ALG1: variants seen among roughly 807,000 people sequenced by gnomAD.
ALG1 encodes the protein chitobiosyldiphosphodolichol beta-mannosyltransferase.
In ALG1, 58 loss-of-function variants were observed where a neutral mutation model predicts 55.1. The observed-to-expected ratio is 1.05, with a 90% CI of 0.85 to 1.31. The LOEUF (loss-of-function observed/expected upper bound fraction) is 1.31, where lower values mean the gene tolerates loss of function less well. Among genes scored for constraint, ALG1 ranks in the 50% most tolerant of loss-of-function variants. ALG1 has a pLI of 0.00. For missense variants in ALG1, 761 were observed against 598.6 expected (o/e 1.27, Z -2.83); for synonymous variants, 309 against 247.0 (o/e 1.25, Z -2.35).
chr16:5,071,879 G>C lies in ALG1; in HGVS notation c.30G>C (p.Ala10=), dbSNP rs1359506233. The change falls in exon 1 of 13, where the codon GCG becomes GCC. Residue 10 remains alanine (A), a synonymous_variant. Coordinates refer to ENST00000262374, the MANE Select transcript of ALG1 (RefSeq NM_019109.5). MAASCLVLL[A]LCLLLPLLLL... ...CGGCCTCATGCTTGGTCCTGCTGGCGCTGTGTCTGCTGCTGCCGCTGCTGC... is the reference window on the plus strand; with the variant it reads ...CGGCCTCATGCTTGGTCCTGCTGGCCCTGTGTCTGCTGCTGCCGCTGCTGC... 14 of 1,602,862 alleles carry C rather than the reference G, an allele frequency of 8.7e-6. No homozygotes were observed. The highest frequency in any genetic ancestry group is 1.2e-5 in the Non-Finnish European group (14 of 1,177,076).
Position 5,078,160 on chromosome 16 carries a change from G to T in ALG1, c.740+143G>T. 3 of 936,304 alleles carry T rather than the reference G, an allele frequency of 3.2e-6. No individual in the cohort carries two copies. The South Asian group carries it at 4.2e-5, about 13-fold the overall frequency. The allele number at this position is 936,304 out of a possible 1,614,324, so 58.0% of individuals were successfully genotyped here. A position where few individuals can be genotyped will look rare whatever the true frequency, so the allele number is the denominator to read the frequency against. On this transcript the variant is annotated intron_variant, in intron 6 of 12. Coordinates refer to ENST00000262374, the MANE Select transcript of ALG1 (RefSeq NM_019109.5). ...CCAGTCTGCTGCTTTTGTAAATCAAGTTTCACTGGGACACAACACACTCAT... is the reference window on the plus strand; with the variant it reads ...CCAGTCTGCTGCTTTTGTAAATCAATTTTCACTGGGACACAACACACTCAT...
In ALG1 at chr16:5,085,784, T is replaced by C; in HGVS notation, c.*903T>C. The C allele has an allele frequency of 1.4e-6, 2 of 1,382,244 alleles. No individual in the cohort carries two copies. Among genetic ancestry groups the C allele is most frequent in the Non-Finnish European group, 2.1e-6 (2 of 970,964 alleles). 85.6% of individuals were successfully genotyped at this position (1,382,244 alleles called of 1,614,324 possible). Reference sequence around the variant, plus strand: ...GATGGCGGTGTTTGGGGACAGGACATGAGGGTATTGTGTGGGGCTGCTAGG... The same window carrying C: ...GATGGCGGTGTTTGGGGACAGGACACGAGGGTATTGTGTGGGGCTGCTAGG... On this transcript the variant is annotated 3_prime_UTR_variant, in exon 13 of 13. Transcript: ENST00000262374.
Position 5,079,064 on chromosome 16 carries a change from A to G in ALG1, c.863A>G (p.Glu288Gly), listed in dbSNP as rs776908571. Residue 288 changes from glutamate to glycine, a missense_variant and splice_region_variant, in exon 8 of 13, where the codon GAG becomes GGG. Transcript: ENST00000262374. ...CTGACATTCAATTCTCTTCTCATAG[A>G]GGACGAAGACTTCTCCATCCTGCTG... ...ALLVSSTSWT[E>G]DEDFSILLAA... 65 of 1,600,604 alleles carry G rather than the reference A, an allele frequency of 4.1e-5. No homozygotes were observed. In the Middle Eastern group the frequency reaches 9.0e-4, roughly 22 times the overall value.
chr16:5,085,558 C>T lies in ALG1; in HGVS notation c.*677C>T, dbSNP rs565122912. On this transcript the variant is annotated 3_prime_UTR_variant, in exon 13 of 13. Coordinates refer to ENST00000262374, the MANE Select transcript of ALG1 (RefSeq NM_019109.5). The stretch of plus-strand genomic sequence containing the variant: ...ATTCCAGTCCAATGAAAGTTTTATC[C>T]GCTTTCCCATATAAAAATTCTTCCC... 3.6e-5 allele frequency: 40 copies of T among 1,123,052 alleles called. No individual in the cohort carries two copies. The highest frequency in any genetic ancestry group is 2.8e-4 in the East Asian group (12 of 42,434). 69.6% of individuals were successfully genotyped at this position (1,123,052 alleles called of 1,614,324 possible).
At chr16:5,074,302 T>C (rs1172467132) in intron 3 of ALG1, among the ~76,000 whole-genome samples, 1 of 152,000 alleles carries the variant, frequency 6.6e-6, no homozygotes, top group East Asian at 1.9e-4. Context: ...TGTGCCACCA[T>C]GCCTGGCTAA....
At chr16:5,078,949 C>T in intron 7 of ALG1, 71 bp downstream of exon 7, 2 of 1,596,228 alleles carry the variant, frequency 1.3e-6, no homozygotes, top group East Asian at 4.6e-5. Flanking sequence ...CTCCTCACCC[C>T]TGCCAGTCCT....
In ALG1 at chr16:5,081,180, C is replaced by T. The variant is rs1313949169; in HGVS notation, c.1072+124C>T. ...GGGACCTGGGCTCTGGCTGAACTCC[C>T]AGGAGGAGGCTACTTCCTGGTGTGC... is the stretch of plus-strand genomic sequence containing the variant. On this transcript the variant is annotated intron_variant, in intron 10 of 12. Transcript: ENST00000262374. 4.8e-5 allele frequency: 57 copies of T among 1,179,632 alleles called. No homozygotes were observed. The East Asian group carries it at 1.3e-3, about 27-fold the overall frequency. The allele number at this position is 1,179,632 out of a possible 1,614,324, so 73.1% of individuals were successfully genotyped here.
intron 3 of ALG1, 89 bp from the exon 4 acceptor site, chr16:5,075,299 C>T: frequency 1.5e-6 from 2 of 1,353,780 alleles, no homozygotes; most frequent in East Asian, 2.3e-5. Context: ...ATAACAGACT[C>T]ATCACCATGT....
chr16:5,072,872 G>T (rs1956841215), intron 1 of ALG1, 79 bp from the exon 2 acceptor site: 1 of 1,306,262 alleles, frequency 7.7e-7, no homozygotes, highest in South Asian at 1.2e-5. Context: ...CACTGTCCGT[G>T]ATTCAGCCTG....
chr16:5,081,599 T>A (rs755001516), intron 10 of ALG1, among the ~76,000 whole-genome samples: 1 of 152,204 alleles, frequency 6.6e-6, no homozygotes, highest in Non-Finnish European at 1.5e-5. Context: ...ACAGTCTCGC[T>A]CCGTTGCCTA....
In ALG1 at chr16:5,079,199, A is replaced by G. The variant is rs952881717; in HGVS notation, c.901+97A>G. The G allele has an allele frequency of 8.0e-6, 12 of 1,493,782 alleles. 1 individual carries two copies. The highest frequency in any genetic ancestry group is 5.9e-5 in the South Asian group (5 of 85,408). 92.5% of individuals were successfully genotyped at this position (1,493,782 alleles called of 1,614,324 possible). A position where few individuals can be genotyped will look rare whatever the true frequency, so the allele number is the denominator to read the frequency against. On this transcript the variant is annotated intron_variant, in intron 8 of 12. Transcript: ENST00000262374. ...CTGCAGCATGTTCCTGTCCCAGGCCACTGGGTGGGGCAGCCTGGGGACAGC... is the reference window on the plus strand; with the variant it reads ...CTGCAGCATGTTCCTGTCCCAGGCCGCTGGGTGGGGCAGCCTGGGGACAGC...
At chr16:5,083,133 C>T (rs1218791868) in intron 11 of ALG1, among the ~76,000 whole-genome samples, 15 of 152,264 alleles carry the variant, frequency 9.9e-5, no homozygotes, top group South Asian at 8.3e-4. Context: ...GCTGTGGCCT[C>T]ACTGCACCCA....
At chr16:5,084,345 C>A (rs976635899) in intron 12 of ALG1, 1 of 379,552 alleles carries the variant, frequency 2.6e-6, no homozygotes, top group Admixed American at 3.9e-5. Flanking sequence ...AGGCTGTGGG[C>A]TGGATTTGGC....
At position 5,086,928 on chromosome 16, in the gene ALG1, G is replaced by A. The variant is rs1217590977; in HGVS notation, c.*2047G>A. The A allele has an allele frequency of 6.6e-6, 1 of 152,178 alleles. No individual in the cohort carries two copies. Among genetic ancestry groups the A allele is most frequent in the Non-Finnish European group, 1.5e-5 (1 of 68,044 alleles). 9.4% of individuals were successfully genotyped at this position (152,178 alleles called of 1,614,324 possible). On this transcript the variant is annotated 3_prime_UTR_variant, in exon 13 of 13. Coordinates refer to ENST00000262374, the MANE Select transcript of ALG1 (RefSeq NM_019109.5). ...GATCTGCTCACCTCAGCCTCCCAAA[G>A]CCTCAGCCTCTTACAGTGTTGGGAT...
At position 5,077,916 on chromosome 16, in the gene ALG1, C is replaced by G; in HGVS notation, c.639C>G (p.Thr213=). The G allele has an allele frequency of 6.2e-7, 1 of 1,608,204 alleles. No individual in the cohort carries two copies. Among genetic ancestry groups the G allele is most frequent in the Non-Finnish European group, 8.5e-7 (1 of 1,179,844 alleles). ...CATGATTTCATTGCAGGGCTGTGAC[C>G]GTCTACGACAAGCCCGCATCTTTCT... The part of the protein sequence containing the change: ...LADNWHIRAV[T]VYDKPASFFK... Residue 213 remains threonine (T), a synonymous_variant, in exon 6 of 13, where the codon ACC becomes ACG. Transcript: ENST00000262374.
In ALG1 at chr16:5,085,178, T is replaced by C. The variant is rs1957111609; in HGVS notation, c.*297T>C. On this transcript the variant is annotated 3_prime_UTR_variant, in exon 13 of 13. Transcript: ENST00000262374. ...CCTGTGACCTCTGCAGAACTCCTCATCCTGCGTTTGGTCTCCAGGTGTCCC... is the reference window on the plus strand; with the variant it reads ...CCTGTGACCTCTGCAGAACTCCTCACCCTGCGTTTGGTCTCCAGGTGTCCC... The C allele has an allele frequency of 1.7e-6, 1 of 585,568 alleles. No homozygotes were observed. The allele number at this position is 585,568 out of a possible 1,614,324, so 36.3% of individuals were successfully genotyped here.
In ALG1 at chr16:5,084,804, A is replaced by G; in HGVS notation, c.1318A>G (p.Asn440Asp). 1.3e-6 allele frequency: 2 copies of G among 1,596,468 alleles called. No individual in the cohort carries two copies. Among genetic ancestry groups the G allele is most frequent in the South Asian group, 1.1e-5 (1 of 90,990 alleles). The change falls in exon 13 of 13, where the codon AAC becomes GAC. Residue 440 changes from asparagine (N) to aspartate (D), a missense_variant. Coordinates refer to ENST00000262374, the MANE Select transcript of ALG1 (RefSeq NM_019109.5). The part of the protein sequence containing the change: ...PAGKLNQFRK[N>D]LRESQQLRWD... ...GGGCAAGCTAAACCAGTTCCGGAAG[A>G]ACCTGCGGGAGTCGCAGCAGCTCCG...
chr16:5,072,123 C>G, intron 1 of ALG1, 66 bp downstream of exon 1: 1 of 1,549,442 alleles, frequency 6.5e-7, no homozygotes, highest in Non-Finnish European at 8.7e-7. Context: ...TCTAACCGCC[C>G]CGGGGAGTCG....
Position 5,071,951 on chromosome 16 carries a change from T to C in ALG1, c.102T>C (p.His34=). The C allele has an allele frequency of 6.3e-7, 1 of 1,588,584 alleles. No individual in the cohort carries two copies. The highest frequency in any genetic ancestry group is 8.6e-7 in the Non-Finnish European group (1 of 1,167,668). Residue 34 remains histidine (H), a synonymous_variant, in exon 1 of 13, where the codon CAT becomes CAC. Transcript: ENST00000262374. The part of the protein sequence containing the change: ...KRWRRGRAAR[H]VVAVVLGDVG... ...GGCGCCGGGGGCGGGCGGCCCGGCA[T>C]GTAGTAGCGGTGGTGCTGGGCGACG...
Sources: gnomAD v4.1 joint callset for allele counts (sites outside exome capture counted in the v4.1 genomes callset) on GRCh38, gnomAD v4.1.1 for gene constraint, MANE v1.5 for transcripts, NCBI Gene and HGNC (gene_info 2026-07-23, HGNC 2026-07-21) for gene names.